DAZL: variants seen among roughly 807,000 people sequenced by gnomAD.
DAZL encodes the protein deleted in azoospermia like, also known as deleted in azoospermia-like.
Under a neutral mutation model 45.0 loss-of-function variants are expected in DAZL, and 4 were observed. That is an observed-to-expected ratio of 0.09 (90% confidence interval 0.04 to 0.20). The LOEUF (loss-of-function observed/expected upper bound fraction) is 0.20, where lower values mean the gene tolerates loss of function less well. Ranked by LOEUF, DAZL falls within the 10% of genes least tolerant of loss-of-function variation. The pLI, the probability that DAZL is intolerant of heterozygous loss-of-function variation, is 1.00. For missense variants in DAZL, 326 were observed against 351.3 expected, an observed-to-expected ratio of 0.93 and a Z score of 0.58; for synonymous variants, 122 against 112.4, an observed-to-expected ratio of 1.09 and a Z score of -0.54.
At chr3:16,600,842 A>G (rs983211142) in intron 1 of DAZL, among the ~76,000 whole-genome samples, 2 of 152,238 alleles carry the variant, frequency 1.3e-5, no homozygotes, top group Non-Finnish European at 2.9e-5. Context: ...GTGTCAGATT[A>G]TAAGAGGTCA....
At position 16,596,759 on chromosome 3, in the gene DAZL, C is replaced by T; in HGVS notation, c.489G>A (p.Gln163=). Residue 163 remains glutamine (Q), a synonymous_variant, in exon 6 of 11, where the codon CAG becomes CAA. Transcript: ENST00000399444. ...QPTTTMNPIT[Q]YVQAYPTYPN... The stretch of plus-strand genomic sequence containing the variant: ...GTTAAGCAATTCTTACCTGAACATA[C>T]TGAGTTATAGGATTCATCGTGGTTG... 1.2e-6 allele frequency: 2 copies of T among 1,613,652 alleles called. No homozygotes were observed. The highest frequency in any genetic ancestry group is 8.5e-7 in the Non-Finnish European group (1 of 1,179,654).
chr3:16,604,440 C>A, intron 1 of DAZL: 10 of 1,531,834 alleles, frequency 6.5e-6, no homozygotes, highest in Non-Finnish European at 8.7e-6. Flanking sequence ...TGAAACCAAC[C>A]TCGTGCGGCA....
chr3:16,600,726 T>C (rs1694677784), intron 1 of DAZL, among the ~76,000 whole-genome samples: 1 of 152,178 alleles, frequency 6.6e-6, no homozygotes, highest in Non-Finnish European at 1.5e-5. Context: ...TGGATGAACT[T>C]TGGATATGTT....
chr3:16,591,379 G>A (rs1019549998), intron 10 of DAZL, among the ~76,000 whole-genome samples: 4 of 151,258 alleles, frequency 2.6e-5, no homozygotes, highest in African/African-American at 9.7e-5. Context: ...CACTGTTCAG[G>A]TATATCTTCT....
rs57842038 is a variant in DAZL at position 16,592,157 on chromosome 3, C to T, written c.736-9G>A. ...CTTCGGTCCACAGATTTCTGAAACA[C>T]AGAAGTTTTCAGTAATGTAAAGACG... On this transcript the variant is annotated splice_polypyrimidine_tract_variant and intron_variant, in intron 9 of 10. Coordinates refer to ENST00000399444, the MANE Select transcript of DAZL (RefSeq NM_001351.4). 0.13 allele frequency: 212,570 copies of T among 1,605,538 alleles called. 18,008 individuals carry two copies. Among genetic ancestry groups the T allele is most frequent in the East Asian group, 0.43 (19,019 of 44,616 alleles).
rs1212291659 is a variant in DAZL at position 16,588,380 on chromosome 3, C to T, written c.*280G>A. The T allele has an allele frequency of 2.7e-6, 1 of 365,310 alleles. No individual in the cohort carries two copies. Among genetic ancestry groups the T allele is most frequent in the Non-Finnish European group, 5.2e-6 (1 of 193,144 alleles). The allele number at this position is 365,310 out of a possible 1,614,324, so 22.6% of individuals were successfully genotyped here. A position where few individuals can be genotyped will look rare whatever the true frequency, so the allele number is the denominator to read the frequency against. On this transcript the variant is annotated 3_prime_UTR_variant, in exon 11 of 11. Transcript: ENST00000399444. ...GAAAATCAGTATTTGCTTTTAAACACTTAAAATGCCAATTTTTAAAAAATC... is the reference window on the plus strand; with the variant it reads ...GAAAATCAGTATTTGCTTTTAAACATTTAAAATGCCAATTTTTAAAAAATC...
intron 9 of DAZL, 54 bp downstream of exon 9, chr3:16,593,601 T>C (rs1218052169): frequency 6.9e-6 from 8 of 1,166,328 alleles, no homozygotes; most frequent in Non-Finnish European, 9.8e-6. Context: ...AAAACCATTA[T>C]TAAAACTAGA....
At chr3:16,601,809 T>C (rs1412252979) in intron 1 of DAZL, among the ~76,000 whole-genome samples, 5 of 152,202 alleles carry the variant, frequency 3.3e-5, no homozygotes, top group African/African-American at 9.6e-5. Context: ...TTGTTATTTA[T>C]AGCAAACATA....
chr3:16,594,497 A>G (rs1195744157), intron 8 of DAZL, 36 bp downstream of exon 8: 12 of 1,497,738 alleles, frequency 8.0e-6, no homozygotes, highest in Admixed American at 2.0e-5. Context: ...ATACTTTAAA[A>G]TAACAGGAAT....
At chr3:16,594,880 T>C (rs1334691868) in intron 7 of DAZL, among the ~76,000 whole-genome samples, 1 of 152,086 alleles carries the variant, frequency 6.6e-6, no homozygotes, top group Non-Finnish European at 1.5e-5. Flanking sequence ...GATACAGTCA[T>C]ATCTATGTAA....
chr3:16,597,794 T>G (rs1694777809), intron 3 of DAZL, among the ~76,000 whole-genome samples: 1 of 152,198 alleles, frequency 6.6e-6, no homozygotes, highest in Non-Finnish European at 1.5e-5. Flanking sequence ...GAACCTGAAT[T>G]TAACTTACTA....
At chr3:16,597,815 G>A (rs536542189) in intron 3 of DAZL, among the ~76,000 whole-genome samples, 3 of 152,074 alleles carry the variant, frequency 2.0e-5, no homozygotes, top group Admixed American at 1.3e-4. Context: ...TCTAAGACAA[G>A]GTGGTTAAAA....
chr3:16,603,958 T>C (rs1694734050), intron 1 of DAZL, among the ~76,000 whole-genome samples: 1 of 152,164 alleles, frequency 6.6e-6, no homozygotes, highest in African/African-American at 2.4e-5. Context: ...AATGAGTAAA[T>C]ATGATACTTT....
intron 1 of DAZL, among the ~76,000 whole-genome samples, chr3:16,599,433 G>GTA (rs1694650034): frequency 6.6e-6 from 1 of 152,124 alleles, no homozygotes; most frequent in Non-Finnish European, 1.5e-5. Context: ...CGCTGTGTTA[G>GTA]TATGCCTGCT....
chr3:16,595,426 A>G, intron 6 of DAZL, 41 bp from the exon 7 acceptor site: 1 of 1,175,940 alleles, frequency 8.5e-7, no homozygotes, highest in Admixed American at 2.1e-5. Context: ...AATATAAAAC[A>G]TTTTTTAAAA....
chr3:16,588,762 A>C (rs1694475758), intron 10 of DAZL, 49 bp from the exon 11 acceptor site: 1 of 1,428,802 alleles, frequency 7.0e-7, no homozygotes. Flanking sequence ...ATTTCTGATT[A>C]CTACTATAGA....
At chr3:16,592,198 C>G in intron 9 of DAZL, 50 bp from the exon 10 acceptor site, 4 of 1,599,518 alleles carry the variant, frequency 2.5e-6, no homozygotes, top group Non-Finnish European at 2.6e-6. Context: ...TTCACTCACT[C>G]TTAGTAAGGG....
intron 1 of DAZL, 65 bp from the exon 2 acceptor site, chr3:16,598,663 A>G: frequency 4.7e-6 from 7 of 1,486,738 alleles, no homozygotes; most frequent in South Asian, 2.5e-5. Flanking sequence ...AATGTGAAAT[A>G]TAATTTTTGT....
chr3:16,587,470 T>A lies in DAZL; in HGVS notation c.*1190A>T, dbSNP rs1338835634. ...TACTTTCATTCTTTATATCACCAGT[T>A]CTAGGAGCAAACCTCCTCAAAGACT... On this transcript the variant is annotated 3_prime_UTR_variant, in exon 11 of 11. Transcript: ENST00000399444. 3 of 152,578 alleles carry A rather than the reference T, an allele frequency of 2.0e-5. No homozygotes were observed. Among genetic ancestry groups the A allele is most frequent in the East Asian group, 3.9e-4 (2 of 5,184 alleles). 9.5% of individuals were successfully genotyped at this position (152,578 alleles called of 1,614,324 possible).
Sources: gnomAD v4.1 joint callset for allele counts (sites outside exome capture counted in the v4.1 genomes callset) on GRCh38, gnomAD v4.1.1 for gene constraint, MANE v1.5 for transcripts, NCBI Gene and HGNC (gene_info 2026-07-23, HGNC 2026-07-21) for gene names.